The following STPG1 variants were observed in gnomAD, a reference collection of about 807,000 sequenced individuals.
The protein encoded by STPG1 is sperm tail PG-rich repeat containing 1, also known as O(6)-methylguanine-induced apoptosis 2.
Under a neutral mutation model 40.1 loss-of-function variants are expected in STPG1, and 33 were observed. The ratio of observed to expected loss-of-function variants is 0.82; its 90% CI spans 0.62 to 1.10. The LOEUF (loss-of-function observed/expected upper bound fraction) is 1.10, where lower values mean the gene tolerates loss of function less well. Ranked by LOEUF, STPG1 falls within the 50% of genes least tolerant of loss-of-function variation. The pLI, the probability that STPG1 is intolerant of heterozygous loss-of-function variation, is 0.00. For synonymous variants in STPG1, 150 were observed against 155.0 expected (o/e 0.97, Z 0.24); for missense variants, 396 against 415.1 (o/e 0.95, Z 0.40).
chr1:24,404,620 T>C (rs909765741), intron 1 of STPG1, among the ~76,000 whole-genome samples: 3 of 152,226 alleles, frequency 2.0e-5, no homozygotes, highest in Admixed American at 2.0e-4. Context: ...TCAGATTATC[T>C]ATTTCTTCTT....
At chr1:24,392,450 T>C (rs1389285434) in intron 2 of STPG1, among the ~76,000 whole-genome samples, 1 of 152,322 alleles carries the variant, frequency 6.6e-6, no homozygotes, top group East Asian at 1.9e-4. Context: ...CACCACTCCC[T>C]CATTCCCTTC....
At chr1:24,410,518 A>G (rs1363339649) in intron 1 of STPG1, among the ~76,000 whole-genome samples, 4 of 152,232 alleles carry the variant, frequency 2.6e-5, no homozygotes, top group Non-Finnish European at 2.9e-5. Context: ...CTGATGCAGG[A>G]GAATCGCTTG....
At chr1:24,405,103 A>T (rs1315018967) in intron 1 of STPG1, among the ~76,000 whole-genome samples, 4 of 151,958 alleles carry the variant, frequency 2.6e-5, no homozygotes, top group Non-Finnish European at 5.9e-5. Flanking sequence ...GATTACAGGC[A>T]CTCCCACCAC....
intron 8 of STPG1, 53 bp from the exon 9 acceptor site, chr1:24,358,672 C>T: frequency 7.2e-7 from 1 of 1,387,392 alleles, no homozygotes; most frequent in Non-Finnish European, 1.0e-6. Flanking sequence ...CCCATTGCTG[C>T]AGTCTCTGGC....
intron 7 of STPG1, among the ~76,000 whole-genome samples, chr1:24,367,075 G>C (rs1002737714): frequency 6.6e-6 from 1 of 152,222 alleles, no homozygotes; most frequent in Admixed American, 6.5e-5. Flanking sequence ...TGCCCAGTGG[G>C]AAGACGGCCC....
intron 3 of STPG1, among the ~76,000 whole-genome samples, chr1:24,385,451 C>T (rs891676584): frequency 6.6e-6 from 1 of 152,084 alleles, no homozygotes; most frequent in African/African-American, 2.4e-5. Flanking sequence ...GGAGAACCCT[C>T]GTGTTGTGGA....
At chr1:24,385,801 G>A (rs768377614) in intron 3 of STPG1, among the ~76,000 whole-genome samples, 10 of 152,194 alleles carry the variant, frequency 6.6e-5, no homozygotes, top group Admixed American at 1.3e-4. Flanking sequence ...GCTGCCACAC[G>A]CTAAGTGATC....
intron 1 of STPG1, among the ~76,000 whole-genome samples, chr1:24,407,607 T>G (rs1479498959): frequency 6.6e-6 from 1 of 152,062 alleles, no homozygotes; most frequent in Non-Finnish European, 1.5e-5. Context: ...CTGGCTAATT[T>G]TTGTATTTTT....
At chr1:24,410,961 C>T (rs1195635338) in intron 1 of STPG1, 3 of 152,142 alleles carry the variant, frequency 2.0e-5, no homozygotes, top group Non-Finnish European at 4.4e-5. Flanking sequence ...CTCTGATTCT[C>T]GATGAGTCAC....
At chr1:24,403,652 T>C (rs2148713745) in intron 1 of STPG1, among the ~76,000 whole-genome samples, 1 of 152,262 alleles carries the variant, frequency 6.6e-6, no homozygotes, top group East Asian at 1.9e-4. Flanking sequence ...TTTACAGTTA[T>C]CAGTGTACAA....
chr1:24,363,413 G>T (rs916461572), intron 7 of STPG1, among the ~76,000 whole-genome samples: 1 of 152,168 alleles, frequency 6.6e-6, no homozygotes, highest in Non-Finnish European at 1.5e-5. Flanking sequence ...GTCCTTAAGG[G>T]CTTGACAATC....
chr1:24,375,042 A>T (rs912417927), intron 5 of STPG1, among the ~76,000 whole-genome samples: 2 of 152,214 alleles, frequency 1.3e-5, no homozygotes, highest in Admixed American at 1.3e-4. Flanking sequence ...TGGGGCACAC[A>T]AGAAAGTCGT....
Position 24,383,927 on chromosome 1 carries a change from T to C in STPG1, c.266A>G (p.Lys89Arg). ...CATTGAGGGAAACATGCAAGTTCCT[T>C]TCTTGGACAATGAGACACTGTTGGA... ...PVSNSVSLSKKGTCMFPSMCA... is the reference protein window; with the variant it reads ...PVSNSVSLSKRGTCMFPSMCA... The change falls in exon 4 of 9, where the codon AAA becomes AGA. Residue 89 changes from lysine to arginine, a missense_variant. By Grantham distance (26) the Lys-to-Arg change is conservative. Transcript: ENST00000337248. 4 of 1,613,676 alleles carry C rather than the reference T, an allele frequency of 2.5e-6. No individual in the cohort carries two copies. Among genetic ancestry groups the C allele is most frequent in the East Asian group, 4.5e-5 (2 of 44,878 alleles).
intron 7 of STPG1, 124 bp from the exon 8 acceptor site, chr1:24,361,165 G>C: frequency 1.2e-6 from 1 of 813,452 alleles, no homozygotes; most frequent in East Asian, 2.8e-5. Flanking sequence ...CACGGCACTG[G>C]GGCAGAGCCC....
At chr1:24,375,975 C>T (rs1409580243) in intron 5 of STPG1, among the ~76,000 whole-genome samples, 1 of 152,142 alleles carries the variant, frequency 6.6e-6, no homozygotes, top group Non-Finnish European at 1.5e-5. Flanking sequence ...AATGCTAATA[C>T]TGGTGGAGGG....
rs1640979983 is a variant in STPG1, at chr1:24,359,872, C to T, written c.928+979G>A. Among the ~76,000 whole-genome samples the T allele has an allele frequency of 1.3e-5, 2 of 152,188 alleles. No homozygotes were observed. Among genetic ancestry groups the T allele is most frequent in the African/African-American group, 4.8e-5 (2 of 41,430 alleles). On this transcript the variant is annotated intron_variant, in intron 8 of 8. Transcript: ENST00000337248. This position sits in a 1 kb window ranked among gnomAD's most constrained non-coding sequence, Gnocchi z 5.3. The stretch of plus-strand genomic sequence containing the variant: ...ACAGAGGCCGCCCACTGGACTGAGT[C>T]CCTCATGATATTAGCTCCCAGGTAG...
chr1:24,364,916 T>C (rs961116760), intron 7 of STPG1, among the ~76,000 whole-genome samples: 2 of 152,158 alleles, frequency 1.3e-5, no homozygotes, highest in African/African-American at 2.4e-5. Flanking sequence ...GAATAATGAA[T>C]GTCTTAGAGG....
At chr1:24,412,623 C>G (rs1428126928) in intron 1 of STPG1, among the ~76,000 whole-genome samples, 1 of 152,158 alleles carries the variant, frequency 6.6e-6, no homozygotes, top group East Asian at 1.9e-4. Context: ...CTTTGAGAGG[C>G]TGAGGGGGAA....
chr1:24,360,131 G>GT (rs1641002150), intron 8 of STPG1, among the ~76,000 whole-genome samples: 2 of 152,194 alleles, frequency 1.3e-5, no homozygotes, highest in African/African-American at 4.8e-5. Context: ...TAGACCAGTA[G>GT]TTTAAATATT....
Sources: gnomAD v4.1 joint callset for allele counts (sites outside exome capture counted in the v4.1 genomes callset) on GRCh38, gnomAD v4.1.1 for gene constraint, Gnocchi (gnomAD v3.1) non-coding constraint, MANE v1.5 for transcripts, NCBI Gene and HGNC (gene_info 2026-07-23, HGNC 2026-07-21) for gene names.